The following FRYL variants were observed in gnomAD, a reference collection of about 807,000 sequenced individuals.
FRYL encodes the protein FRY like transcription coactivator, also known as protein furry homolog-like.
FRYL carries 150 observed loss-of-function variants against 351.2 expected under a neutral mutation model. The observed-to-expected ratio is 0.43, with a 90% confidence interval of 0.37 to 0.49. FRYL has a LOEUF of 0.49. Among genes scored for constraint, FRYL ranks in the 20% least tolerant of loss-of-function variants. The pLI is 0.00. For missense variants in FRYL, 3,036 were observed against 3,619.3 expected, an observed-to-expected ratio of 0.84 and a Z score of 4.13; for synonymous variants, 1,153 against 1,257.1, an observed-to-expected ratio of 0.92 and a Z score of 1.75.
chr4:48,734,853 A>C (rs1432760418), intron 1 of FRYL, among the ~76,000 whole-genome samples: 1 of 152,220 alleles, frequency 6.6e-6, no homozygotes, highest in African/African-American at 2.4e-5. Context: ...GATAAACCTA[A>C]AACCATAAAA....
intron 1 of FRYL, among the ~76,000 whole-genome samples, chr4:48,733,963 C>A (rs187599529): frequency 2.0e-5 from 3 of 151,968 alleles, no homozygotes; most frequent in Non-Finnish European, 4.4e-5. Flanking sequence ...ATTAGAACCA[C>A]AAAAGGCATA....
intron 7 of FRYL, among the ~76,000 whole-genome samples, chr4:48,610,181 C>A (rs1244037302): frequency 6.6e-6 from 1 of 152,064 alleles, no homozygotes; most frequent in Non-Finnish European, 1.5e-5. Flanking sequence ...AATGAGTCAG[C>A]CCTACATTTA....
At chr4:48,764,387 C>T (rs760126730) in intron 1 of FRYL, among the ~76,000 whole-genome samples, 16 of 151,490 alleles carry the variant, frequency 1.1e-4, no homozygotes, top group African/African-American at 1.7e-4. Flanking sequence ...AAAGGTTAGC[C>T]GGGTATGATG....
intron 1 of FRYL, among the ~76,000 whole-genome samples, chr4:48,759,024 T>G (rs573873144): frequency 6.6e-6 from 1 of 152,116 alleles, no homozygotes; most frequent in East Asian, 1.9e-4. Context: ...AGGTGGGAAT[T>G]GAAGAATGAG....
At chr4:48,590,889 T>C (rs1743096949) in intron 16 of FRYL, 59 bp from the exon 17 acceptor site, 3 of 1,329,042 alleles carry the variant, frequency 2.3e-6, no homozygotes, top group Middle Eastern at 1.9e-4. Flanking sequence ...CTTTTTTGCA[T>C]GTTAGAAATA....
At chr4:48,697,758 C>G (rs1404066690) in intron 2 of FRYL, among the ~76,000 whole-genome samples, 146 of 151,806 alleles carry the variant, frequency 9.6e-4, no homozygotes, top group Non-Finnish European at 2.5e-4. Flanking sequence ...CATGTCTGGC[C>G]CTAAAATGAA....
At chr4:48,748,583 C>A (rs1321912836) in intron 1 of FRYL, among the ~76,000 whole-genome samples, 2 of 152,154 alleles carry the variant, frequency 1.3e-5, no homozygotes, top group Non-Finnish European at 2.9e-5. Context: ...ATCCCTCCAC[C>A]TTTCCCCAGC....
At chr4:48,645,594 T>C (rs1467265784) in intron 3 of FRYL, among the ~76,000 whole-genome samples, 1 of 152,172 alleles carries the variant, frequency 6.6e-6, no homozygotes, top group Non-Finnish European at 1.5e-5. Flanking sequence ...CCCTGAACTT[T>C]GCTGGCCATC....
intron 1 of FRYL, among the ~76,000 whole-genome samples, chr4:48,772,335 G>A (rs754884863): frequency 3.9e-5 from 6 of 152,156 alleles, no homozygotes; most frequent in Middle Eastern, 3.4e-3. Context: ...ACAGTGAGCC[G>A]TGATTGCACC....
chr4:48,765,056 G>A (rs1392722147), intron 1 of FRYL, among the ~76,000 whole-genome samples: 4 of 152,038 alleles, frequency 2.6e-5, no homozygotes, highest in African/African-American at 9.7e-5. Context: ...TGTTGGCCAA[G>A]CTGCTCTTGA....
chr4:48,592,268 T>G (rs1421246537), intron 16 of FRYL, among the ~76,000 whole-genome samples: 2 of 151,876 alleles, frequency 1.3e-5, no homozygotes, highest in Non-Finnish European at 2.9e-5. Flanking sequence ...CAATGTAGCT[T>G]CACTTATACA....
At chr4:48,751,906 G>A (rs1773285864) in intron 1 of FRYL, among the ~76,000 whole-genome samples, 1 of 151,334 alleles carries the variant, frequency 6.6e-6, no homozygotes, top group South Asian at 2.1e-4. Context: ...CAGACCCATG[G>A]GATGAATCCC....
intron 3 of FRYL, among the ~76,000 whole-genome samples, chr4:48,656,105 T>C (rs1383882745): frequency 9.5e-6 from 1 of 105,480 alleles, no homozygotes; most frequent in Non-Finnish European, 2.0e-5. Context: ...GTATATATTG[T>C]ATACATATAT....
intron 1 of FRYL, among the ~76,000 whole-genome samples, chr4:48,748,378 C>T (rs1448379607): frequency 6.6e-6 from 1 of 152,166 alleles, no homozygotes; most frequent in East Asian, 1.9e-4. Flanking sequence ...CATTACGTTT[C>T]CCAGCTTTCC....
intron 3 of FRYL, among the ~76,000 whole-genome samples, chr4:48,679,068 G>T (rs1421182447): frequency 6.6e-6 from 1 of 152,008 alleles, no homozygotes; most frequent in African/African-American, 2.4e-5. Context: ...ACAACTAAAT[G>T]ATTCAAGTAA....
chr4:48,655,389 G>A (rs1473600618), intron 3 of FRYL, among the ~76,000 whole-genome samples: 1 of 151,892 alleles, frequency 6.6e-6, no homozygotes, highest in Non-Finnish European at 1.5e-5. Flanking sequence ...CTCATATAAT[G>A]GAAAACATGC....
At chr4:48,773,587 T>C (rs1445488538) in intron 1 of FRYL, among the ~76,000 whole-genome samples, 1 of 152,042 alleles carries the variant, frequency 6.6e-6, no homozygotes, top group South Asian at 2.1e-4. Context: ...AAAAAAAAAA[T>C]TTCCTATTAT....
chr4:48,561,661 T>G, intron 32 of FRYL, 25 bp from the exon 33 acceptor site: 2 of 1,571,748 alleles, frequency 1.3e-6, no homozygotes, highest in Non-Finnish European at 1.7e-6. Context: ...TTCCATCAAC[T>G]TAGGTTAAGA....
chr4:48,499,788 A>G (rs1465977997), intron 63 of FRYL, 108 bp from the exon 64 acceptor site: 2 of 1,068,660 alleles, frequency 1.9e-6, no homozygotes, highest in Non-Finnish European at 2.7e-6. Flanking sequence ...GAATAACATG[A>G]TCTGTTTTAA....
Sources: gnomAD v4.1 joint callset for allele counts (sites outside exome capture counted in the v4.1 genomes callset) on GRCh38, gnomAD v4.1.1 for gene constraint, MANE v1.5 for transcripts, NCBI Gene and HGNC (gene_info 2026-07-23, HGNC 2026-07-21) for gene names.